Variants in PCDHGB6 observed in about 807,000 individuals in gnomAD.
The protein encoded by PCDHGB6 is protocadherin gamma-B6.
In PCDHGB6, 51 loss-of-function variants were observed where a neutral mutation model predicts 59.1. That is an observed-to-expected ratio of 0.86 (90% CI 0.69 to 1.09). The LOEUF is 1.09. Ranked by LOEUF, PCDHGB6 falls within the 50% of genes least tolerant of loss-of-function variation. The probability of loss-of-function intolerance (pLI) is 0.00; values close to 1 mark genes in which losing one functional copy is unlikely to be tolerated. For missense variants in PCDHGB6, 1,148 were observed against 1,205.1 expected (o/e 0.95, Z 0.70); for synonymous variants, 466 against 495.1 (o/e 0.94, Z 0.78).
rs988237114 is a variant in PCDHGB6 at position 141,493,830 on chromosome 5, G to A, written c.2419-977G>A. On this transcript the variant is annotated intron_variant, in intron 1 of 3. Transcript: ENST00000520790. This position sits in a 1 kb window ranked among gnomAD's most constrained non-coding sequence, Gnocchi z 4.3. ...ATACTCACACTCTCTGCTTCTGGGA[G>A]CAAGTATGAGTATTAATTACCAGCC... 1.3e-5 allele frequency among the ~76,000 whole-genome samples: 2 copies of A among 152,218 alleles called. No individual in the cohort carries two copies. The highest frequency in any genetic ancestry group is 4.8e-5 in the African/African-American group (2 of 41,456).
Position 141,410,674 on chromosome 5 carries a change from A to G in PCDHGB6, c.2418+54A>G. 3.2e-6 allele frequency: 5 copies of G among 1,551,418 alleles called. No homozygotes were observed. In the South Asian group the frequency reaches 3.6e-5, roughly 11 times the overall value. On this transcript the variant is annotated intron_variant, in intron 1 of 3. Coordinates refer to ENST00000520790, the MANE Select transcript of PCDHGB6 (RefSeq NM_018926.3). ...ATCTAATAGTCTACTAGTTTCTCATATTTTAGGCATACTACTTTATTTTCA... is the reference window on the plus strand; with the variant it reads ...ATCTAATAGTCTACTAGTTTCTCATGTTTTAGGCATACTACTTTATTTTCA...
chr5:141,443,699 A>G (rs1433844997), intron 1 of PCDHGB6, among the ~76,000 whole-genome samples: 1 of 152,248 alleles, frequency 6.6e-6, no homozygotes, highest in African/African-American at 2.4e-5. Flanking sequence ...AAAATTATAG[A>G]ATAACATTTG....
Position 141,487,858 on chromosome 5 carries a change from G to C in PCDHGB6, c.2419-6949G>C, listed in dbSNP as rs575288726. Reference sequence around the variant, plus strand: ...ATCTGAGTAAGAAATGAAAGTAATTGGTGATCAAGAGCCAGGCTGTTGTGG... The same window carrying C: ...ATCTGAGTAAGAAATGAAAGTAATTCGTGATCAAGAGCCAGGCTGTTGTGG... On this transcript the variant is annotated intron_variant, in intron 1 of 3. Transcript: ENST00000520790. The surrounding 1 kb of genome is among the most constrained non-coding windows in gnomAD (Gnocchi z 5.0). The C allele has an allele frequency of 3.8e-5, 36 of 953,250 alleles. No individual in the cohort carries two copies. The Middle Eastern group carries it at 1.3e-3, about 35-fold the overall frequency. 59.0% of individuals were successfully genotyped at this position (953,250 alleles called of 1,614,324 possible). A position where few individuals can be genotyped will look rare whatever the true frequency, so the allele number is the denominator to read the frequency against.
intron 1 of PCDHGB6, chr5:141,423,108 GC>G: frequency 1.2e-6 from 2 of 1,613,864 alleles, no homozygotes; most frequent in African/African-American, 2.7e-5. Flanking sequence ...CGGGCGAGGT[GC>G]GTACAGCGCG....
chr5:141,418,294 C>G, intron 1 of PCDHGB6: 1 of 1,613,988 alleles, frequency 6.2e-7, no homozygotes. Flanking sequence ...TCAGTGAATC[C>G]GTCAGCCTGG....
intron 1 of PCDHGB6, among the ~76,000 whole-genome samples, chr5:141,429,535 T>TG (rs1278730394): frequency 2.0e-5 from 3 of 152,168 alleles, no homozygotes; most frequent in Non-Finnish European, 4.4e-5. Flanking sequence ...CTTAAAAAAA[T>TG]AAGAACATGG....
chr5:141,478,607 A>T (rs892000536), intron 1 of PCDHGB6: 1 of 1,560,800 alleles, frequency 6.4e-7, no homozygotes, highest in Non-Finnish European at 8.7e-7. Context: ...CATCATATTG[A>T]GGAAGGAATG....
intron 1 of PCDHGB6, among the ~76,000 whole-genome samples, chr5:141,436,557 A>G (rs1224841336): frequency 6.6e-6 from 1 of 152,218 alleles, no homozygotes; most frequent in Non-Finnish European, 1.5e-5. Flanking sequence ...GAGCTTCAGC[A>G]AAGTAGGAAT....
At chr5:141,414,679 G>A in intron 1 of PCDHGB6, 1 of 1,613,960 alleles carries the variant, frequency 6.2e-7, no homozygotes. Flanking sequence ...CACCATCCAG[G>A]GGGTACCTCT....
chr5:141,489,915 C>T lies in PCDHGB6; in HGVS notation c.2419-4892C>T, dbSNP rs971312502. On this transcript the variant is annotated intron_variant, in intron 1 of 3. Coordinates refer to ENST00000520790, the MANE Select transcript of PCDHGB6 (RefSeq NM_018926.3). This position sits in a 1 kb window ranked among gnomAD's most constrained non-coding sequence, Gnocchi z 4.5. ...GGGGGACCCCAGCCCGCTCAGGGAC[C>T]ACCCTTATCTCTGTCATCGTGCTGG... The T allele has an allele frequency of 6.2e-7, 1 of 1,614,242 alleles. No individual in the cohort carries two copies. Among genetic ancestry groups the T allele is most frequent in the Non-Finnish European group, 8.5e-7 (1 of 1,180,044 alleles).
intron 2 of PCDHGB6, among the ~76,000 whole-genome samples, chr5:141,499,102 C>T (rs1172661012): frequency 1.3e-5 from 2 of 152,170 alleles, no homozygotes; most frequent in Admixed American, 6.5e-5. Context: ...TGCTTCTCCT[C>T]CCCACCACTA....
At chr5:141,446,295 G>A (rs146503397) in intron 1 of PCDHGB6, among the ~76,000 whole-genome samples, 1 of 152,196 alleles carries the variant, frequency 6.6e-6, no homozygotes, top group Non-Finnish European at 1.5e-5. Flanking sequence ...TGGGGAGCAG[G>A]GATTAAGAGT....
Position 141,485,117 on chromosome 5 carries a change from G to A in PCDHGB6, c.2419-9690G>A. The A allele has an allele frequency of 3.0e-6, 4 of 1,326,200 alleles. No homozygotes were observed. The highest frequency in any genetic ancestry group is 4.3e-6 in the Non-Finnish European group (4 of 933,470). 82.2% of individuals were successfully genotyped at this position (1,326,200 alleles called of 1,614,324 possible). On this transcript the variant is annotated intron_variant, in intron 1 of 3. Transcript: ENST00000520790. The surrounding 1 kb of genome is among the most constrained non-coding windows in gnomAD (Gnocchi z 5.7). ...GTCTCCAGCTGCTGTGGCTGTTTGG[G>A]GCGGGTCGGCTTCATCCGCGTCTCA...
rs776718024 is a variant in PCDHGB6 at position 141,486,333 on chromosome 5, T to C, written c.2419-8474T>C. 8.1e-6 allele frequency: 13 copies of C among 1,614,080 alleles called. No individual in the cohort carries two copies. Among genetic ancestry groups the C allele is most frequent in the Non-Finnish European group, 1.1e-5 (13 of 1,179,998 alleles). On this transcript the variant is annotated intron_variant, in intron 1 of 3. Coordinates refer to ENST00000520790, the MANE Select transcript of PCDHGB6 (RefSeq NM_018926.3). The surrounding 1 kb of genome is among the most constrained non-coding windows in gnomAD (Gnocchi z 5.0). ...TCAGGGTCAAACGGAGATGTGAGCC[T>C]CCGCATTCCTGACCACTTGCCATTT...
chr5:141,424,786 T>G (rs1219509852), intron 1 of PCDHGB6: 1 of 152,210 alleles, frequency 6.6e-6, no homozygotes, highest in Non-Finnish European at 1.5e-5. Flanking sequence ...ATTCAGTTCT[T>G]TTATTCAGAC....
Position 141,417,741 on chromosome 5 carries a change from A to G in PCDHGB6, c.2418+7121A>G, listed in dbSNP as rs1035037382. ...CTGCGCAGACCTTGCCCAGCACACCAGATTGCCAGCTCCGAGACCCGGGAC... is the reference window on the plus strand; with the variant it reads ...CTGCGCAGACCTTGCCCAGCACACCGGATTGCCAGCTCCGAGACCCGGGAC... On this transcript the variant is annotated intron_variant, in intron 1 of 3. Coordinates refer to ENST00000520790, the MANE Select transcript of PCDHGB6 (RefSeq NM_018926.3). The G allele has an allele frequency of 1.7e-5, 24 of 1,413,756 alleles. No individual in the cohort carries two copies. The African/African-American group carries it at 1.7e-4, about 10-fold the overall frequency. The allele number at this position is 1,413,756 out of a possible 1,614,324, so 87.6% of individuals were successfully genotyped here.
chr5:141,427,391 A>G (rs942653386), intron 1 of PCDHGB6: 3 of 459,818 alleles, frequency 6.5e-6, no homozygotes, highest in Non-Finnish European at 1.3e-5. Context: ...TGTTCAAAAC[A>G]CATGATAAAG....
rs573088236 is a variant in PCDHGB6, at chr5:141,489,279, G to A, written c.2419-5528G>A. On this transcript the variant is annotated intron_variant, in intron 1 of 3. Coordinates refer to ENST00000520790, the MANE Select transcript of PCDHGB6 (RefSeq NM_018926.3). This position sits in a 1 kb window ranked among gnomAD's most constrained non-coding sequence, Gnocchi z 4.5. Reference sequence around the variant, plus strand: ...CACTCCCACAGCTCGCTGGGAAATGGCAAGTGCTGTGCATGTTGTCCTTGT... The same window carrying A: ...CACTCCCACAGCTCGCTGGGAAATGACAAGTGCTGTGCATGTTGTCCTTGT... The A allele has an allele frequency of 6.4e-7, 1 of 1,562,030 alleles. No individual in the cohort carries two copies. Among genetic ancestry groups the A allele is most frequent in the East Asian group, 2.2e-5 (1 of 44,522 alleles).
Position 141,431,939 on chromosome 5 carries a change from T to A in PCDHGB6, c.2418+21319T>A, listed in dbSNP as rs1377573207. The A allele has an allele frequency of 2.2e-5, 35 of 1,613,996 alleles. No individual in the cohort carries two copies. The highest frequency in any genetic ancestry group is 2.9e-5 in the Non-Finnish European group (34 of 1,180,000). On this transcript the variant is annotated intron_variant, in intron 1 of 3. Coordinates refer to ENST00000520790, the MANE Select transcript of PCDHGB6 (RefSeq NM_018926.3). This position sits in a 1 kb window ranked among gnomAD's most constrained non-coding sequence, Gnocchi z 4.8. ...CATCCAAGGAAATCTGCCCTTTAAA[T>A]TAGAAAAATCTTACGGAAATTACTA...
Sources: allele counts gnomAD v4.1 joint callset (sites outside exome capture counted in the v4.1 genomes callset), GRCh38; gene constraint gnomAD v4.1.1; non-coding constraint Gnocchi (gnomAD v3.1); transcripts MANE v1.5; gene names NCBI Gene and HGNC (gene_info 2026-07-23, HGNC 2026-07-21).